OXR1: variants seen among roughly 807,000 people sequenced by gnomAD.
The protein encoded by OXR1 is oxidation resistance 1.
A neutral mutation model predicts 104.6 loss-of-function variants in OXR1; 41 were observed. The observed-to-expected ratio is 0.39, with a 90% CI of 0.31 to 0.51. The LOEUF is 0.51. OXR1 is among the 20% of genes least tolerant of loss of function. The probability of loss-of-function intolerance (pLI) is 0.77; values close to 1 mark genes in which losing one functional copy is unlikely to be tolerated. For missense variants in OXR1, 955 were observed against 1,031.9 expected (o/e 0.93, Z 1.02); for synonymous variants, 348 against 348.4 (o/e 1.00, Z 0.01).
intron 2 of OXR1, among the ~76,000 whole-genome samples, chr8:106,408,259 T>C (rs1481731239): frequency 3.9e-5 from 6 of 152,178 alleles, no homozygotes; most frequent in Non-Finnish European, 7.3e-5. Flanking sequence ...AACAATGAGA[T>C]GAACATTTTA....
intron 2 of OXR1, among the ~76,000 whole-genome samples, chr8:106,417,608 CAAA>C (rs1293978660): frequency 1.3e-5 from 2 of 152,126 alleles, no homozygotes; most frequent in East Asian, 3.9e-4. Context: ...ACACTGTCTA[CAAA>C]AACTCTTACT....
intron 2 of OXR1, among the ~76,000 whole-genome samples, chr8:106,364,577 C>A (rs1288185591): frequency 6.6e-6 from 1 of 150,944 alleles, no homozygotes; most frequent in African/African-American, 2.5e-5. Flanking sequence ...AAGACTCCAT[C>A]TCTAAACAAC....
intron 1 of OXR1, among the ~76,000 whole-genome samples, chr8:106,342,679 A>G (rs1376220756): frequency 6.6e-6 from 1 of 152,016 alleles, no homozygotes; most frequent in African/African-American, 2.4e-5. Flanking sequence ...ACCAGTTTGC[A>G]TCTGAGAGTC....
intron 2 of OXR1, among the ~76,000 whole-genome samples, chr8:106,485,356 T>A (rs768405147): frequency 1.5e-4 from 23 of 152,098 alleles, no homozygotes; most frequent in Non-Finnish European, 2.8e-4. Context: ...GTTTATCAAG[T>A]GTAACAAATG....
chr8:106,527,378 C>T (rs1275121994), intron 3 of OXR1, among the ~76,000 whole-genome samples: 3 of 152,096 alleles, frequency 2.0e-5, no homozygotes, highest in Admixed American at 6.5e-5. Context: ...GTTTAAAACC[C>T]GGCAGTGGTT....
intron 9 of OXR1, among the ~76,000 whole-genome samples, chr8:106,707,979 A>G (rs2131380210): frequency 6.6e-6 from 1 of 152,284 alleles, no homozygotes; most frequent in Admixed American, 6.5e-5. Context: ...ATATTATTTG[A>G]AGCATTTTTA....
At chr8:106,549,123 G>C (rs1311800513) in intron 3 of OXR1, among the ~76,000 whole-genome samples, 2 of 151,962 alleles carry the variant, frequency 1.3e-5, no homozygotes, top group African/African-American at 2.4e-5. Flanking sequence ...ATTTCCTCCA[G>C]AGAATTGAAA....
chr8:106,543,400 C>G (rs1815109666), intron 3 of OXR1, among the ~76,000 whole-genome samples: 1 of 152,094 alleles, frequency 6.6e-6, no homozygotes, highest in South Asian at 2.1e-4. Context: ...ATAAGACCAA[C>G]AAAAAATCCT....
chr8:106,440,581 G>C (rs1244772799), intron 2 of OXR1, among the ~76,000 whole-genome samples: 1 of 151,868 alleles, frequency 6.6e-6, no homozygotes, highest in East Asian at 1.9e-4. Context: ...ATAGCCCTAG[G>C]CATGCATCTA....
chr8:106,444,995 C>A (rs1343874270), intron 2 of OXR1, among the ~76,000 whole-genome samples: 1 of 152,000 alleles, frequency 6.6e-6, no homozygotes, highest in Non-Finnish European at 1.5e-5. Flanking sequence ...TGACCCTGGG[C>A]AATAGGCATT....
In OXR1 at chr8:106,699,173, T is replaced by A. The variant is rs530878506; in HGVS notation, c.676-3733T>A. Among the ~76,000 whole-genome samples, 11 of 152,322 alleles carry A rather than the reference T, an allele frequency of 7.2e-5. No individual in the cohort carries two copies. The South Asian group carries it at 2.3e-3, about 32-fold the overall frequency. Reference sequence around the variant, plus strand: ...CTGAGGCTTTGTAAATACAAGATTTTTTTTTGCTTTAATGTTTAGTGAGAA... The same window carrying A: ...CTGAGGCTTTGTAAATACAAGATTTATTTTTGCTTTAATGTTTAGTGAGAA... On this transcript the variant is annotated intron_variant, in intron 7 of 16. Coordinates refer to ENST00000517566, the MANE Select transcript of OXR1 (RefSeq NM_001198533.2).
intron 3 of OXR1, among the ~76,000 whole-genome samples, chr8:106,611,108 G>C (rs1820779864): frequency 6.6e-6 from 1 of 152,190 alleles, no homozygotes; most frequent in Non-Finnish European, 1.5e-5. Flanking sequence ...GAAGAAACTT[G>C]TACAGGGTGC....
At chr8:106,705,402 A>G (rs1215613781) in intron 8 of OXR1, among the ~76,000 whole-genome samples, 1 of 152,214 alleles carries the variant, frequency 6.6e-6, no homozygotes, top group African/African-American at 2.4e-5. Context: ...TACTTGTTGC[A>G]GAAAAATTGG....
intron 2 of OXR1, among the ~76,000 whole-genome samples, chr8:106,455,902 A>G (rs530939834): frequency 3.3e-5 from 5 of 152,332 alleles, no homozygotes; most frequent in Non-Finnish European, 7.4e-5. Flanking sequence ...TCTGGACTGT[A>G]CAATTCAATG....
chr8:106,479,859 G>A (rs577418656), intron 2 of OXR1, among the ~76,000 whole-genome samples: 263 of 152,116 alleles, frequency 1.7e-3, no homozygotes, highest in African/African-American at 6.1e-3. Flanking sequence ...CTCTCCAAAA[G>A]ATTATAGAGT....
chr8:106,370,646 T>C (rs1479080250), intron 2 of OXR1, among the ~76,000 whole-genome samples: 1 of 152,230 alleles, frequency 6.6e-6, no homozygotes, highest in Non-Finnish European at 1.5e-5. Context: ...TCTACATCTA[T>C]TGAGGTAATC....
chr8:106,503,412 C>T (rs1190306966), intron 2 of OXR1, among the ~76,000 whole-genome samples: 4 of 152,192 alleles, frequency 2.6e-5, no homozygotes, highest in Non-Finnish European at 5.9e-5. Flanking sequence ...GGACTGATTT[C>T]ATGACCCTTG....
At chr8:106,409,046 A>G (rs963293584) in intron 2 of OXR1, among the ~76,000 whole-genome samples, 15 of 152,118 alleles carry the variant, frequency 9.9e-5, no homozygotes, top group Non-Finnish European at 1.9e-4. Flanking sequence ...CTTCTGCCTT[A>G]GAGTTATAGA....
At chr8:106,396,468 C>G (rs1229326666) in intron 2 of OXR1, among the ~76,000 whole-genome samples, 1 of 151,920 alleles carries the variant, frequency 6.6e-6, no homozygotes, top group Non-Finnish European at 1.5e-5. Flanking sequence ...AATTATGAAA[C>G]AAAGACTGAA....
Sources: gnomAD v4.1 joint callset for allele counts (sites outside exome capture counted in the v4.1 genomes callset) on GRCh38, gnomAD v4.1.1 for gene constraint, MANE v1.5 for transcripts, NCBI Gene and HGNC (gene_info 2026-07-23, HGNC 2026-07-21) for gene names.